The following GALNT17 variants were observed in gnomAD, a reference collection of about 807,000 sequenced individuals.
GALNT17 encodes the protein UDP-GalNAc:polypeptide N-acetylgalactosaminyltransferase-like 3.
GALNT17 carries 29 observed loss-of-function variants against 63.7 expected under a neutral mutation model. The observed-to-expected ratio is 0.46, with a 90% CI of 0.34 to 0.62. The LOEUF (loss-of-function observed/expected upper bound fraction) is 0.62, where lower values mean the gene tolerates loss of function less well. GALNT17 is among the 20% of genes least tolerant of loss of function. The pLI is 0.01. For missense variants in GALNT17, 603 were observed against 799.6 expected (o/e 0.75, Z 2.97); for synonymous variants, 305 against 318.3 (o/e 0.96, Z 0.45).
intron 6 of GALNT17, among the ~76,000 whole-genome samples, chr7:71,642,091 C>G (rs1372931169): frequency 6.6e-6 from 1 of 152,112 alleles, no homozygotes; most frequent in South Asian, 2.1e-4. Context: ...ACTGGGAACA[C>G]GAGGCTGTCT....
At chr7:71,604,705 C>T (rs992773966) in intron 6 of GALNT17, among the ~76,000 whole-genome samples, 41 of 152,100 alleles carry the variant, frequency 2.7e-4, no homozygotes, top group Admixed American at 2.6e-3. Context: ...TGGTTCTGTT[C>T]GCTGGAGCTT....
intron 8 of GALNT17, among the ~76,000 whole-genome samples, chr7:71,675,751 C>G (rs12539335): frequency 0.26 from 39,207 of 152,218 alleles, 6,571 homozygotes; most frequent in Non-Finnish European, 0.36. Flanking sequence ...CTTTGGGAGG[C>G]CAAGGCAGGT....
At chr7:71,548,088 T>A (rs4719145) in intron 5 of GALNT17, among the ~76,000 whole-genome samples, 48,940 of 151,162 alleles carry the variant, frequency 0.32, 8,730 homozygotes, top group Middle Eastern at 0.42. Flanking sequence ...TTTTTTTTTT[T>A]AAAAATTAGC....
chr7:71,421,952 A>G (rs796727945), intron 5 of GALNT17, among the ~76,000 whole-genome samples: 9 of 136,642 alleles, frequency 6.6e-5, no homozygotes, highest in African/African-American at 1.9e-4. Flanking sequence ...CTCTGTCTCG[A>G]AAAAAAAAAA....
chr7:71,385,222 G>A (rs1219173515), intron 2 of GALNT17, among the ~76,000 whole-genome samples: 3 of 151,964 alleles, frequency 2.0e-5, no homozygotes, highest in Non-Finnish European at 2.9e-5. Context: ...GTAGACCCTC[G>A]AAAGGGGAGC....
At chr7:71,357,700 A>G (rs2116213595) in intron 2 of GALNT17, among the ~76,000 whole-genome samples, 1 of 152,232 alleles carries the variant, frequency 6.6e-6, no homozygotes, top group East Asian at 1.9e-4. Flanking sequence ...TGAGGTCGGG[A>G]GTTCGAGACC....
intron 6 of GALNT17, among the ~76,000 whole-genome samples, chr7:71,626,041 C>A (rs1230066764): frequency 1.3e-5 from 2 of 151,948 alleles, no homozygotes; most frequent in East Asian, 3.9e-4. Flanking sequence ...GTCAGGAGAG[C>A]GAGACCATCC....
At chr7:71,265,718 G>A (rs541754286) in intron 1 of GALNT17, among the ~76,000 whole-genome samples, 5 of 152,288 alleles carry the variant, frequency 3.3e-5, no homozygotes, top group African/African-American at 1.2e-4. Context: ...GATAAGTGTG[G>A]CTGATGCATG....
intron 6 of GALNT17, among the ~76,000 whole-genome samples, chr7:71,597,814 A>G (rs916447727): frequency 2.6e-5 from 4 of 152,168 alleles, no homozygotes; most frequent in Non-Finnish European, 5.9e-5. Context: ...TTGCTTGTCA[A>G]TGTGGGACCT....
At chr7:71,140,441 A>G (rs552390268) in intron 1 of GALNT17, among the ~76,000 whole-genome samples, 10 of 152,180 alleles carry the variant, frequency 6.6e-5, no homozygotes, top group Non-Finnish European at 1.2e-4. Context: ...ATGCAGGCAC[A>G]TCTGTGTTGG....
chr7:71,629,577 T>C (rs1790426608), intron 6 of GALNT17, among the ~76,000 whole-genome samples: 1 of 152,104 alleles, frequency 6.6e-6, no homozygotes, highest in Non-Finnish European at 1.5e-5. Flanking sequence ...ATTCCTGGGC[T>C]CAAACAATCT....
At chr7:71,433,022 G>A (rs1411047533) in intron 5 of GALNT17, among the ~76,000 whole-genome samples, 1 of 152,152 alleles carries the variant, frequency 6.6e-6, no homozygotes, top group Non-Finnish European at 1.5e-5. Flanking sequence ...TGTTGGCCAG[G>A]CTGGTCTCCA....
intron 2 of GALNT17, among the ~76,000 whole-genome samples, chr7:71,370,665 G>A (rs113469953): frequency 0.056 from 8,474 of 151,888 alleles, 707 homozygotes; most frequent in African/African-American, 0.18. Context: ...ATGGGTTTTC[G>A]CCATGTTGGC....
chr7:71,352,230 A>G (rs534337134), intron 2 of GALNT17, among the ~76,000 whole-genome samples: 32 of 152,318 alleles, frequency 2.1e-4, no homozygotes, highest in African/African-American at 7.5e-4. Flanking sequence ...TGCCGCTGCC[A>G]TGTAAGCAGT....
At chr7:71,514,406 G>T (rs925294539) in intron 5 of GALNT17, among the ~76,000 whole-genome samples, 5 of 152,036 alleles carry the variant, frequency 3.3e-5, no homozygotes, top group Admixed American at 2.6e-4. Context: ...TAAACAGTGG[G>T]GGGTGGAGGG....
intron 6 of GALNT17, among the ~76,000 whole-genome samples, chr7:71,603,332 C>G (rs1224158450): frequency 6.6e-6 from 1 of 151,812 alleles, no homozygotes; most frequent in African/African-American, 2.4e-5. Context: ...GTGCATATAC[C>G]AGGTACTATG....
At chr7:71,282,059 C>G (rs1790788314) in intron 1 of GALNT17, among the ~76,000 whole-genome samples, 1 of 152,168 alleles carries the variant, frequency 6.6e-6, no homozygotes, top group South Asian at 2.1e-4. Context: ...ACGCCACCCC[C>G]TTGGGCTCCT....
At chr7:71,578,942 G>A (rs2116894318) in intron 6 of GALNT17, among the ~76,000 whole-genome samples, 1 of 152,228 alleles carries the variant, frequency 6.6e-6, no homozygotes, top group South Asian at 2.1e-4. Flanking sequence ...GGCCTGTGTT[G>A]TCCATTTGGA....
At chr7:71,274,248 A>G (rs1453668593) in intron 1 of GALNT17, among the ~76,000 whole-genome samples, 2 of 152,176 alleles carry the variant, frequency 1.3e-5, no homozygotes, top group Admixed American at 6.5e-5. Context: ...CACACCACTC[A>G]TTTTGAGGGA....
Sources: gnomAD v4.1 joint callset for allele counts (sites outside exome capture counted in the v4.1 genomes callset) on GRCh38, gnomAD v4.1.1 for gene constraint, MANE v1.5 for transcripts, NCBI Gene and HGNC (gene_info 2026-07-23, HGNC 2026-07-21) for gene names.